Variants in ANXA8 observed in about 807,000 individuals in gnomAD.
ANXA8 encodes VAC-beta.
A neutral mutation model predicts 26.8 loss-of-function variants in ANXA8; 9 were observed. That is an observed-to-expected ratio of 0.34 (90% confidence interval 0.20 to 0.59). The LOEUF is 0.59. Ranked by LOEUF, ANXA8 falls within the 20% of genes least tolerant of loss-of-function variation. ANXA8 has a pLI of 0.84. For missense variants in ANXA8, 83 were observed against 238.5 expected, an observed-to-expected ratio of 0.35 and a Z score of 4.29; for synonymous variants, 39 against 94.8, an observed-to-expected ratio of 0.41 and a Z score of 3.42.
the ANXA8 span, among the ~76,000 whole-genome samples, chr10:47,776,494 C>T: frequency 5.3e-5 from 8 of 151,712 alleles, no homozygotes; most frequent in African/African-American, 1.9e-4. Context: ...CACATCCTCA[C>T]TTTGTCCTTC....
chr10:47,470,276 A>G (rs1161883912), intron 11 of ANXA8, among the ~76,000 whole-genome samples: 1 of 151,066 alleles, frequency 6.6e-6, no homozygotes, highest in Non-Finnish European at 1.5e-5. Flanking sequence ...ATTCTAACTC[A>G]ATTTTCTTAA....
the ANXA8 span, among the ~76,000 whole-genome samples, chr10:47,667,201 A>G: frequency 7.2e-5 from 11 of 151,982 alleles, no homozygotes; most frequent in Non-Finnish European, 1.5e-4. Context: ...ATGGGAGGCA[A>G]ATATTTGATA....
At chr10:47,591,515 C>T in the ANXA8 span, among the ~76,000 whole-genome samples, 1 of 129,964 alleles carries the variant, frequency 7.7e-6, no homozygotes, top group South Asian at 2.3e-4. Context: ...ATGATCTCAG[C>T]TCACTGCAAG....
At chr10:47,980,638 G>A in the ANXA8 span, among the ~76,000 whole-genome samples, 1 of 149,278 alleles carries the variant, frequency 6.7e-6, no homozygotes, top group Non-Finnish European at 1.5e-5. Flanking sequence ...ATGAAATAGG[G>A]CACACCACTA....
the ANXA8 span, among the ~76,000 whole-genome samples, chr10:47,980,637 G>A: frequency 6.7e-6 from 1 of 149,012 alleles, no homozygotes; most frequent in Non-Finnish European, 1.5e-5. Context: ...AATGAAATAG[G>A]GCACACCACT....
chr10:47,977,579 CAAT>C, the ANXA8 span, among the ~76,000 whole-genome samples: 87 of 151,602 alleles, frequency 5.7e-4, no homozygotes, highest in Non-Finnish European at 1.2e-3. Flanking sequence ...AAAAGCATGA[CAAT>C]GATGTCTTAC....
the ANXA8 span, among the ~76,000 whole-genome samples, chr10:47,626,709 A>G: frequency 1.3e-5 from 2 of 150,316 alleles, no homozygotes; most frequent in Admixed American, 1.3e-4. Context: ...GTAATTTTAA[A>G]CAAATAATAA....
At chr10:47,646,858 AC>A in the ANXA8 span, among the ~76,000 whole-genome samples, 1 of 152,118 alleles carries the variant, frequency 6.6e-6, no homozygotes, top group Non-Finnish European at 1.5e-5. Context: ...CAAAATAGAA[AC>A]TAAGCAGTCC....
the ANXA8 span, among the ~76,000 whole-genome samples, chr10:47,939,575 C>T: frequency 2.1e-5 from 3 of 145,010 alleles, 1 homozygote; most frequent in Non-Finnish European, 1.5e-5. Flanking sequence ...CTCCAGTCTC[C>T]GTCTACCTGC....
chr10:47,652,176 G>A, the ANXA8 span, among the ~76,000 whole-genome samples: 1 of 152,174 alleles, frequency 6.6e-6, no homozygotes, highest in African/African-American at 2.4e-5. Flanking sequence ...TAGGTATGGG[G>A]TTCTTTTTAG....
the ANXA8 span, chr10:47,750,733 C>T: frequency 2.1e-5 from 3 of 142,882 alleles, no homozygotes; most frequent in African/African-American, 2.6e-5. Flanking sequence ...CCACTGAGCT[C>T]GACTTAAATC....
the ANXA8 span, among the ~76,000 whole-genome samples, chr10:47,744,411 T>TG: frequency 6.6e-3 from 48 of 7,230 alleles, no homozygotes; most frequent in African/African-American, 0.019. Context: ...AGGCTCCTGG[T>TG]GGGGGGGGGG....
At chr10:47,941,042 C>T in the ANXA8 span, among the ~76,000 whole-genome samples, 1 of 143,384 alleles carries the variant, frequency 7.0e-6, no homozygotes. Flanking sequence ...ACTTTATCAC[C>T]TGATTGTACT....
upstream of ANXA8, chr10:47,484,225 C>T (rs1173597288): frequency 3.9e-5 from 28 of 713,384 alleles, no homozygotes; most frequent in South Asian, 2.9e-4. Flanking sequence ...GTGGCTGTTA[C>T]GCATACTGGA....
the ANXA8 span, among the ~76,000 whole-genome samples, chr10:47,548,974 G>C: frequency 6.6e-6 from 1 of 152,270 alleles, no homozygotes; most frequent in Non-Finnish European, 1.5e-5. Context: ...AAGAAGAAAT[G>C]GTACTTACTA....
chr10:47,618,188 A>C, the ANXA8 span, among the ~76,000 whole-genome samples: 1 of 109,366 alleles, frequency 9.1e-6, no homozygotes, highest in Admixed American at 9.8e-5. Flanking sequence ...GGAACATGAA[A>C]GCCCTTGTGT....
At chr10:47,956,765 T>TAC in the ANXA8 span, among the ~76,000 whole-genome samples, 27 of 149,950 alleles carry the variant, frequency 1.8e-4, 1 homozygote, top group Admixed American at 1.8e-3. Flanking sequence ...CACTGCGTCT[T>TAC]ACCTTCCCTT....
the ANXA8 span, among the ~76,000 whole-genome samples, chr10:47,979,435 G>A: frequency 3.3e-5 from 5 of 151,340 alleles, no homozygotes; most frequent in Non-Finnish European, 5.9e-5. Context: ...GGCCCCCAAA[G>A]ATATCCATGC....
At chr10:47,667,388 G>A in the ANXA8 span, among the ~76,000 whole-genome samples, 1 of 151,924 alleles carries the variant, frequency 6.6e-6, no homozygotes, top group South Asian at 2.1e-4. Context: ...TCTTCTGGAA[G>A]CTTGTAGGAT....
Sources: allele counts gnomAD v4.1 joint callset (sites outside exome capture counted in the v4.1 genomes callset), GRCh38; gene constraint gnomAD v4.1.1; transcripts MANE v1.5; gene names NCBI Gene and HGNC (gene_info 2026-07-23, HGNC 2026-07-21).